ZNF48: variants seen among roughly 807,000 people sequenced by gnomAD.
ZNF48 encodes zinc finger protein 48.
A neutral mutation model predicts 40.0 loss-of-function variants in ZNF48; 20 were observed. The observed-to-expected ratio is 0.50, with a 90% CI of 0.35 to 0.73. The LOEUF (loss-of-function observed/expected upper bound fraction) is 0.73, where lower values mean the gene tolerates loss of function less well. Among genes scored for constraint, ZNF48 ranks in the 30% least tolerant of loss-of-function variants. The pLI is 0.01. For synonymous variants in ZNF48, 298 were observed against 329.7 expected (o/e 0.90, Z 1.04); for missense variants, 726 against 851.9 (o/e 0.85, Z 1.84).
At chr16:30,385,101 G>A (rs2151113159) in intron 1 of ZNF48, among the ~76,000 whole-genome samples, 1 of 151,638 alleles carries the variant, frequency 6.6e-6, no homozygotes, top group South Asian at 2.1e-4. Flanking sequence ...CTTGAACCTG[G>A]GAGGTGAAGT....
At chr16:30,390,569 C>G (rs919403168), upstream of ZNF48, among the ~76,000 whole-genome samples, 51 of 145,956 alleles carry the variant, frequency 3.5e-4, no homozygotes, top group Non-Finnish European at 6.6e-4. Context: ...CCACCACGCC[C>G]AGCTAATTTT....
At chr16:30,392,303 G>A (rs1411360220), upstream of ZNF48, among the ~76,000 whole-genome samples, 1 of 152,246 alleles carries the variant, frequency 6.6e-6, no homozygotes. Context: ...GATTACAGGA[G>A]TGAGCCACCG....
upstream of ZNF48, among the ~76,000 whole-genome samples, chr16:30,394,056 G>C (rs932650609): frequency 2.3e-4 from 35 of 151,294 alleles, no homozygotes; most frequent in African/African-American, 8.3e-4. Context: ...AAAGAGACAG[G>C]GTCTCGCTCT....
At chr16:30,394,956 A>AC, upstream of ZNF48, 2 of 164,062 alleles carry the variant, frequency 1.2e-5, no homozygotes, top group South Asian at 7.1e-5. Flanking sequence ...CCCATTCCAT[A>AC]CCCACCCCCA....
rs4341758 is a variant in ZNF48 at position 30,382,958 on chromosome 16, G to C, written c.-16+4548G>C. ...GGAGGCGGAGGAGGGAGGACAGCTT[G>C]AGCCAAGGAGTTCCAGACCAGCCTG... On this transcript the variant is annotated intron_variant, in intron 1 of 2. Transcript: ENST00000528032. This position sits in a 1 kb window ranked among gnomAD's most constrained non-coding sequence, Gnocchi z 4.8. 6.1e-6 allele frequency: 4 copies of C among 656,170 alleles called. No individual in the cohort carries two copies. The highest frequency in any genetic ancestry group is 2.7e-5 in the East Asian group (1 of 36,530). 40.6% of individuals were successfully genotyped at this position (656,170 alleles called of 1,614,324 possible). A position where few individuals can be genotyped will look rare whatever the true frequency, so the allele number is the denominator to read the frequency against.
At chr16:30,391,916 C>T (rs1229586120), upstream of ZNF48, among the ~76,000 whole-genome samples, 1 of 151,980 alleles carries the variant, frequency 6.6e-6, no homozygotes. Flanking sequence ...CAGCTCCCTG[C>T]AACTTTCACC....
chr16:30,391,897 G>T (rs1012857598), upstream of ZNF48, among the ~76,000 whole-genome samples: 26 of 151,944 alleles, frequency 1.7e-4, no homozygotes, highest in African/African-American at 5.6e-4. Flanking sequence ...GAGTGCAGTG[G>T]CATGATCTCA....
At position 30,395,722 on chromosome 16, in the gene ZNF48, G is replaced by T. The variant is rs2049977163; in HGVS notation, c.-15-58G>T. ...CTGGCCGGCAGAGGGCAGCGGCAGG[G>T]CGCCGCGGGCCACACATGGCTGCGT... On this transcript the variant is annotated intron_variant, in intron 1 of 2. Transcript: ENST00000613509. This position sits in a 1 kb window ranked among gnomAD's most constrained non-coding sequence, Gnocchi z 5.9. 7.8e-7 allele frequency: 1 copy of T among 1,287,562 alleles called. No individual in the cohort carries two copies. The highest frequency in any genetic ancestry group is 3.3e-5 in the Admixed American group (1 of 30,180). 79.8% of individuals were successfully genotyped at this position (1,287,562 alleles called of 1,614,324 possible). A position where few individuals can be genotyped will look rare whatever the true frequency, so the allele number is the denominator to read the frequency against.
Position 30,397,384 on chromosome 16 carries a change from A to G in ZNF48, c.134A>G (p.Gln45Arg). Residue 45 changes from glutamine (Q) to arginine (R), a missense_variant, in exon 3 of 3, where the codon CAG (glutamine) becomes CGG (arginine). Physicochemically the swap from Gln to Arg is conservative, Grantham distance 43. Around this residue, in one of 5 missense-constraint regions of ZNF48, gnomAD observed 151 missense variants for 162.3 expected, o/e 0.93. Coordinates refer to ENST00000613509, the MANE Select transcript of ZNF48 (RefSeq NM_001214909.2). This position sits in a 1 kb window ranked among gnomAD's most constrained non-coding sequence, Gnocchi z 4.1. ...SQPNEFEHTP[Q>R]EDDLGFKEED... ...CCGAATGAGTTTGAACATACCCCAC[A>G]GGAAGATGACTTGGGGTTCAAGGAA... is the stretch of plus-strand genomic sequence containing the variant. 6.2e-7 allele frequency: 1 copy of G among 1,614,124 alleles called. No individual in the cohort carries two copies. Among genetic ancestry groups the G allele is most frequent in the South Asian group, 1.1e-5 (1 of 91,088 alleles).
In ZNF48 at chr16:30,381,605, G is replaced by T; in HGVS notation, c.-16+3195G>T. ...AAGACATTAAGGGGAACTGGTGGGG[G>T]CCTAGGTGAGTCATCAAGAAGCACA... On this transcript the variant is annotated intron_variant, in intron 1 of 2. Transcript: ENST00000528032. The surrounding 1 kb of genome is among the most constrained non-coding windows in gnomAD (Gnocchi z 4.3). The T allele has an allele frequency of 6.9e-7, 1 of 1,445,516 alleles. No homozygotes were observed. Among genetic ancestry groups the T allele is most frequent in the South Asian group, 1.3e-5 (1 of 78,364 alleles). 89.5% of individuals were successfully genotyped at this position (1,445,516 alleles called of 1,614,324 possible).
Position 30,382,444 on chromosome 16 carries a change from G to C in ZNF48, c.-16+4034G>C. The C allele has an allele frequency of 6.4e-7, 1 of 1,570,958 alleles. No individual in the cohort carries two copies. On this transcript the variant is annotated intron_variant, in intron 1 of 2. Coordinates refer to the ZNF48 transcript ENST00000528032. This position sits in a 1 kb window ranked among gnomAD's most constrained non-coding sequence, Gnocchi z 4.8. ...CAGGATCACTTGAGTTCCTGGGCTA[G>C]GAAGAGTCAGTGGGGTCTGGGGACC...
Position 30,398,300 on chromosome 16 carries a change from C to T in ZNF48, c.1050C>T (p.Leu350=), listed in dbSNP as rs370017247. 5.5e-5 allele frequency: 88 copies of T among 1,613,508 alleles called. No individual in the cohort carries two copies. The highest frequency in any genetic ancestry group is 7.1e-5 in the Non-Finnish European group (84 of 1,180,024). ...ACAGCTCCGCCCGAGTCAAACACCT[C>T]CGCACCCACAGTGGCGAGAGGCCCC... ...FADSSARVKH[L]RTHSGERPHA... is the part of the protein sequence containing the mutation. The change falls in exon 3 of 3, where the codon CTC becomes CTT. Residue 350 remains leucine (L), a synonymous_variant. Transcript: ENST00000613509. This position sits in a 1 kb window ranked among gnomAD's most constrained non-coding sequence, Gnocchi z 6.6.
chr16:30,388,374 T>C (rs948128206), intron 1 of ZNF48, among the ~76,000 whole-genome samples: 2 of 152,172 alleles, frequency 1.3e-5, no homozygotes, highest in African/African-American at 4.8e-5. Context: ...TTCACCACCA[T>C]ACCCAGTTAA....
At chr16:30,379,079 A>G in intron 1 of ZNF48, 1 of 1,614,052 alleles carries the variant, frequency 6.2e-7, no homozygotes, top group Non-Finnish European at 8.5e-7. Context: ...CGGGCCCGGT[A>G]GCCCTCGTAG....
In ZNF48 at chr16:30,397,507, G is replaced by A; in HGVS notation, c.257G>A (p.Gly86Glu). The A allele has an allele frequency of 1.2e-6, 2 of 1,614,158 alleles. No individual in the cohort carries two copies. Among genetic ancestry groups the A allele is most frequent in the Non-Finnish European group, 1.7e-6 (2 of 1,180,022 alleles). Reference sequence around the variant, plus strand: ...TTATGGGTCCAGAGAGAGGGTCTAGGAAAGCCTCAGCCTCGGGACAGAGGC... The same window carrying A: ...TTATGGGTCCAGAGAGAGGGTCTAGAAAAGCCTCAGCCTCGGGACAGAGGC... The part of the protein sequence containing the change: ...DDLWVQREGL[G>E]KPQPRDRGPR... The change falls in exon 3 of 3, where the codon GGA becomes GAA. Residue 86 changes from glycine to glutamate, a missense_variant. Physicochemically the swap from Gly to Glu is moderately conservative, Grantham distance 98. Around this residue, in one of 5 missense-constraint regions of ZNF48, gnomAD observed 151 missense variants for 162.3 expected, o/e 0.93. Coordinates refer to ENST00000613509, the MANE Select transcript of ZNF48 (RefSeq NM_001214909.2). The surrounding 1 kb of genome is among the most constrained non-coding windows in gnomAD (Gnocchi z 4.1).
At chr16:30,396,687 A>G (rs1272816155) in intron 2 of ZNF48, among the ~76,000 whole-genome samples, 3 of 140,420 alleles carry the variant, frequency 2.1e-5, no homozygotes, top group African/African-American at 8.5e-5. Flanking sequence ...ACGCTTTGCT[A>G]CTTTTTTTTT....
intron 1 of ZNF48, chr16:30,379,288 G>A: frequency 1.3e-6 from 2 of 1,500,212 alleles, no homozygotes; most frequent in Non-Finnish European, 9.2e-7. Flanking sequence ...TCTAGCGGAG[G>A]GTCCGCGGTC....
chr16:30,396,045 T>C, intron 2 of ZNF48, 172 bp downstream of exon 2: 2 of 586,886 alleles, frequency 3.4e-6, no homozygotes, highest in Non-Finnish European at 2.8e-6. Flanking sequence ...GGAGGGGCTC[T>C]TCACGGCCTC....
chr16:30,395,212 C>T (rs1306154013), upstream of ZNF48: 1 of 456,184 alleles, frequency 2.2e-6, no homozygotes, highest in East Asian at 7.0e-5. This position sits in a 1 kb window ranked among gnomAD's most constrained non-coding sequence, Gnocchi z 5.9. Context: ...CGAAGAGCCT[C>T]GGGCCTCACC....
Sources: gnomAD v4.1 joint callset for allele counts (sites outside exome capture counted in the v4.1 genomes callset) on GRCh38, gnomAD v4.1.1 for gene constraint, gnomAD v4.1.1 regional missense constraint, Gnocchi (gnomAD v3.1) non-coding constraint, MANE v1.5 for transcripts, NCBI Gene and HGNC (gene_info 2026-07-23, HGNC 2026-07-21) for gene names.